Variants in PLCH2 observed in about 807,000 individuals in gnomAD.
PLCH2 encodes the protein phospholipase C eta 2, also known as 1-phosphatidylinositol 4,5-bisphosphate phosphodiesterase eta-2.
Under a neutral mutation model 134.7 loss-of-function variants are expected in PLCH2, and 98 were observed. That is an observed-to-expected ratio of 0.73 (90% confidence interval 0.62 to 0.86). The LOEUF is 0.86. PLCH2 is among the 40% of genes least tolerant of loss of function. PLCH2 has a pLI of 0.00. For missense variants in PLCH2, 1,994 were observed against 1,986.6 expected (o/e 1.00, Z -0.07); for synonymous variants, 974 against 827.5 (o/e 1.18, Z -3.04).
At chr1:2,443,207 G>C (rs1369252009) in intron 2 of PLCH2, among the ~76,000 whole-genome samples, 1 of 152,230 alleles carries the variant, frequency 6.6e-6, no homozygotes. Context: ...TTGGGGCTGG[G>C]CCGTACCCCG....
the PLCH2 span, among the ~76,000 whole-genome samples, chr1:2,420,857 G>GT: frequency 9.9e-5 from 15 of 152,094 alleles, no homozygotes; most frequent in Admixed American, 6.5e-4. Context: ...TGTGTATCTC[G>GT]TTTTTTGTAT....
At position 2,491,469 on chromosome 1, in the gene PLCH2, T is replaced by C; in HGVS notation, c.1659+134T>C. 5 of 899,046 alleles carry C rather than the reference T, an allele frequency of 5.6e-6. No individual in the cohort carries two copies. The South Asian group carries it at 6.4e-5, about 12-fold the overall frequency. 55.7% of individuals were successfully genotyped at this position (899,046 alleles called of 1,614,324 possible). A position where few individuals can be genotyped will look rare whatever the true frequency, so the allele number is the denominator to read the frequency against. On this transcript the variant is annotated intron_variant, in intron 11 of 21. Coordinates refer to ENST00000378486, the MANE Select transcript of PLCH2 (RefSeq NM_014638.4). ...GCACACACAAATCTGCACACAAGCA[T>C]ACCTCTGTACACACCTCCGCACACA...
upstream of PLCH2, among the ~76,000 whole-genome samples, chr1:2,472,394 G>A (rs899852451): frequency 6.6e-6 from 1 of 152,232 alleles, no homozygotes; most frequent in Non-Finnish European, 1.5e-5. Context: ...TGCATGCTGG[G>A]CCGGCCCTTG....
At chr1:2,426,634 C>T (rs2494588) in intron 1 of PLCH2, among the ~76,000 whole-genome samples, 82,911 of 152,138 alleles carry the variant, frequency 0.54, 23,032 homozygotes, top group African/African-American at 0.66. Flanking sequence ...AGAGTGCCGG[C>T]GAGCTGGGCG....
Position 2,476,490 on chromosome 1 carries a change from G to C in PLCH2, c.-99G>C. On this transcript the variant is annotated 5_prime_UTR_variant, in exon 1 of 22. Transcript: ENST00000378486. ...GAGGCAGAGGAGAGAAGGCCCCACGGAGGTCCTGTCGCCAGCGCTGCCACT... is the reference window on the plus strand; with the variant it reads ...GAGGCAGAGGAGAGAAGGCCCCACGCAGGTCCTGTCGCCAGCGCTGCCACT... The C allele has an allele frequency of 1.7e-6, 2 of 1,169,980 alleles. No homozygotes were observed. The highest frequency in any genetic ancestry group is 2.3e-6 in the Non-Finnish European group (2 of 863,116). The allele number at this position is 1,169,980 out of a possible 1,614,324, so 72.5% of individuals were successfully genotyped here.
At chr1:2,479,128 CATGG>C (rs1191216162) in intron 2 of PLCH2, 1 of 168,464 alleles carries the variant, frequency 5.9e-6, no homozygotes, top group Non-Finnish European at 1.3e-5. Flanking sequence ...TGGGGAGAGA[CATGG>C]CAGTCCTCAA....
chr1:2,499,588 G>C (rs907387142), intron 19 of PLCH2, 53 bp from the exon 20 acceptor site: 3 of 1,333,196 alleles, frequency 2.3e-6, no homozygotes, highest in Non-Finnish European at 3.2e-6. Context: ...CAGAGCAGGT[G>C]GGGGCCCTGG....
chr1:2,498,977 A>G lies in PLCH2; in HGVS notation c.2435-107A>G. 7.0e-7 allele frequency: 1 copy of G among 1,426,596 alleles called. No individual in the cohort carries two copies. Among genetic ancestry groups the G allele is most frequent in the Non-Finnish European group, 9.6e-7 (1 of 1,042,816 alleles). The allele number at this position is 1,426,596 out of a possible 1,614,324, so 88.4% of individuals were successfully genotyped here. On this transcript the variant is annotated intron_variant, in intron 18 of 21. Transcript: ENST00000378486. The surrounding 1 kb of genome is among the most constrained non-coding windows in gnomAD (Gnocchi z 5.4). ...CCTCTAGGTGGGCAGTCCCGGAAGC[A>G]GCACCGGGAGTGGCACTGGGAGTGG...
rs1298441950 is a variant in PLCH2 at position 2,504,199 on chromosome 1, G to C, written c.3237G>C (p.Arg1079Ser). The C allele has an allele frequency of 6.4e-7, 1 of 1,550,618 alleles. No individual in the cohort carries two copies. The highest frequency in any genetic ancestry group is 2.0e-5 in the Admixed American group (1 of 49,764). The change falls in exon 22 of 22, where the codon AGG (arginine) becomes AGC (serine). Residue 1079 changes from arginine (R) to serine (S), a missense_variant. Around this residue, in one of 2 missense-constraint regions of PLCH2, gnomAD observed 900 missense variants for 752.3 expected, o/e 1.20. Coordinates refer to ENST00000378486, the MANE Select transcript of PLCH2 (RefSeq NM_014638.4). ...ERAPGSQTDG[R>S]SQPRTLGHLP... is the part of the protein sequence containing the mutation. ...CCCCCGGCAGCCAGACGGACGGCAGGAGCCAGCCCCGGACCCTGGGCCACC... is the reference window on the plus strand; with the variant it reads ...CCCCCGGCAGCCAGACGGACGGCAGCAGCCAGCCCCGGACCCTGGGCCACC...
At chr1:2,446,611 G>A (rs1639955287) in intron 2 of PLCH2, among the ~76,000 whole-genome samples, 2 of 152,214 alleles carry the variant, frequency 1.3e-5, no homozygotes, top group African/African-American at 4.8e-5. Flanking sequence ...TGTCTCCGGC[G>A]GCAGCAGCTA....
rs764556919 is a variant in PLCH2 at position 2,499,714 on chromosome 1, CGGTAA to C, written c.2659_2661+2del. 34 of 1,583,080 alleles carry C rather than the reference CGGTAA, an allele frequency of 2.1e-5. No homozygotes were observed. Among genetic ancestry groups the C allele is most frequent in the Admixed American group, 1.1e-4 (6 of 55,928 alleles). ...TGCATGTGGCTGTCAGTGACATCAG[CGGTAA>C]GGTGAGTGTCACCCCCTGCCACCAG... On this transcript the variant is annotated frameshift_variant and splice_region_variant, in exon 20 of 22. Transcript: ENST00000378486. LOFTEE classifies it high-confidence loss of function.
the PLCH2 span, among the ~76,000 whole-genome samples, chr1:2,418,160 G>A: frequency 1.3e-5 from 2 of 152,276 alleles, no homozygotes; most frequent in South Asian, 2.1e-4. Flanking sequence ...CGAGAATTCC[G>A]GGCAGAGCCC....
intron 2 of PLCH2, among the ~76,000 whole-genome samples, chr1:2,431,350 C>A (rs1639062235): frequency 6.6e-6 from 1 of 152,126 alleles, no homozygotes; most frequent in Admixed American, 6.5e-5. Context: ...TGTGTGTGCT[C>A]ATGCTCTGTG....
chr1:2,431,474 G>T (rs1639068082), intron 2 of PLCH2, among the ~76,000 whole-genome samples: 1 of 152,170 alleles, frequency 6.6e-6, no homozygotes, highest in Non-Finnish European at 1.5e-5. Flanking sequence ...GCTGCACACA[G>T]CCCCTGCCGG....
In PLCH2 at chr1:2,439,444, C is replaced by T. The variant is rs894944549; in HGVS notation, c.115+8815C>T. Among the ~76,000 whole-genome samples, 4 of 152,350 alleles carry T rather than the reference C, an allele frequency of 2.6e-5. No homozygotes were observed. Among genetic ancestry groups the T allele is most frequent in the African/African-American group, 4.8e-5 (2 of 41,592 alleles). On this transcript the variant is annotated intron_variant, in intron 2 of 3. Transcript: ENST00000609981. The surrounding 1 kb of genome is among the most constrained non-coding windows in gnomAD (Gnocchi z 4.7). ...CAGGGGCAGCTGATCCCATCCCACC[C>T]GTTCGTTGTCTTGAGTTCTGATTGA...
chr1:2,437,745 C>A (rs1639496700), intron 2 of PLCH2, among the ~76,000 whole-genome samples: 1 of 152,214 alleles, frequency 6.6e-6, no homozygotes, highest in South Asian at 2.1e-4. Context: ...CGTGTGCATA[C>A]CACACACATA....
chr1:2,504,080 A>G lies in PLCH2; in HGVS notation c.3118A>G (p.Asn1040Asp), dbSNP rs749606003. 15 of 1,548,094 alleles carry G rather than the reference A, an allele frequency of 9.7e-6. No individual in the cohort carries two copies. ...CCCATACCCCACAGGACCCGGAGCCAATGTGGCAAGCCCCCTAGAGGACAC... is the reference window on the plus strand; with the variant it reads ...CCCATACCCCACAGGACCCGGAGCCGATGTGGCAAGCCCCCTAGAGGACAC... Reference protein sequence around the residue: ...RPPYPTGPGANVASPLEDTEE... With the variant: ...RPPYPTGPGADVASPLEDTEE... The change falls in exon 22 of 22, where the codon AAT becomes GAT. Residue 1040 changes from asparagine (N) to aspartate (D), a missense_variant. Asn to Asp is a conservative substitution (Grantham distance 23, BLOSUM62 1). This residue lies in a region of PLCH2 where 900 missense variants were observed against 752.3 expected (regional missense o/e 1.20). Transcript: ENST00000378486.
chr1:2,495,691 T>G (rs1210563615), intron 13 of PLCH2, 121 bp downstream of exon 13: 77 of 655,672 alleles, frequency 1.2e-4, no homozygotes. Flanking sequence ...ACCCCCTTCT[T>G]GGCCCCTGGA....
intron 11 of PLCH2, 55 bp from the exon 12 acceptor site, chr1:2,494,791 GTCCCGGCCTC>G: frequency 1.6e-6 from 2 of 1,229,080 alleles, no homozygotes; most frequent in Non-Finnish European, 2.3e-6. Context: ...ACCAGGGGCT[GTCCCGGCCTC>G]CCTGCCTGGT....
Sources: gnomAD v4.1 joint callset for allele counts (sites outside exome capture counted in the v4.1 genomes callset) on GRCh38, gnomAD v4.1.1 for gene constraint, gnomAD v4.1.1 regional missense constraint, Gnocchi (gnomAD v3.1) non-coding constraint, MANE v1.5 for transcripts, NCBI Gene and HGNC (gene_info 2026-07-23, HGNC 2026-07-21) for gene names.